ABCA6: variants seen among roughly 807,000 people sequenced by gnomAD.
The protein encoded by ABCA6 is ATP-binding cassette sub-family A member 6.
ABCA6 carries 164 observed loss-of-function variants against 191.2 expected under a neutral mutation model. The observed-to-expected ratio is 0.86, with a 90% CI of 0.76 to 0.98. ABCA6 has a LOEUF of 0.98. Among genes scored for constraint, ABCA6 ranks in the 50% least tolerant of loss-of-function variants. The pLI is 0.00. For missense variants in ABCA6, 1,958 were observed against 1,894.1 expected, an observed-to-expected ratio of 1.03 and a Z score of -0.63; for synonymous variants, 636 against 647.7, an observed-to-expected ratio of 0.98 and a Z score of 0.27.
intron 21 of ABCA6, among the ~76,000 whole-genome samples, chr17:69,101,975 T>C (rs908645033): frequency 4.6e-5 from 7 of 152,192 alleles, no homozygotes; most frequent in Non-Finnish European, 1.0e-4. Flanking sequence ...TAGCATGAAA[T>C]AAAGAGGGAG....
intron 27 of ABCA6, among the ~76,000 whole-genome samples, 180 bp from the exon 28 acceptor site, chr17:69,088,438 C>A (rs1396902954): frequency 6.6e-6 from 1 of 152,136 alleles, no homozygotes; most frequent in Non-Finnish European, 1.5e-5. Flanking sequence ...TTCCTTTCTT[C>A]TCGCCACCCA....
chr17:69,113,549 A>T, intron 14 of ABCA6, 69 bp downstream of exon 14: 1 of 1,607,458 alleles, frequency 6.2e-7, no homozygotes, highest in Non-Finnish European at 8.5e-7. Context: ...TACCACTTTT[A>T]GTGGTAAAAG....
chr17:69,094,123 TTTTA>T (rs1380319785), intron 25 of ABCA6, among the ~76,000 whole-genome samples: 1 of 152,222 alleles, frequency 6.6e-6, no homozygotes, highest in Non-Finnish European at 1.5e-5. Context: ...TGCTGTGATC[TTTTA>T]TTTGTGATAA....
In ABCA6 at chr17:69,106,347, C is replaced by T. The variant is rs1280944726; in HGVS notation, c.2390-136G>A. 5 of 862,226 alleles carry T rather than the reference C, an allele frequency of 5.8e-6. No individual in the cohort carries two copies. The African/African-American group carries it at 7.0e-5, about 12-fold the overall frequency. The allele number at this position is 862,226 out of a possible 1,614,324, so 53.4% of individuals were successfully genotyped here. A position where few individuals can be genotyped will look rare whatever the true frequency, so the allele number is the denominator to read the frequency against. ...GTGGCTTATGCCTGTAATCCCAGTACTCTGGGAGACCAAGGTGGGTGGATC... is the reference window on the plus strand; with the variant it reads ...GTGGCTTATGCCTGTAATCCCAGTATTCTGGGAGACCAAGGTGGGTGGATC... On this transcript the variant is annotated intron_variant, in intron 18 of 38. Transcript: ENST00000284425.
Position 69,123,413 on chromosome 17 carries a change from T to C in ABCA6, c.1268-6A>G. 1.4e-6 allele frequency: 2 copies of C among 1,460,482 alleles called. No homozygotes were observed. Among genetic ancestry groups the C allele is most frequent in the Non-Finnish European group, 9.2e-7 (1 of 1,089,902 alleles). 90.5% of individuals were successfully genotyped at this position (1,460,482 alleles called of 1,614,324 possible). A position where few individuals can be genotyped will look rare whatever the true frequency, so the allele number is the denominator to read the frequency against. ...ATAATGGCGCTCATCTCCATCTAAT[T>C]AACCAAGAGGCAACAAAATATGATC... On this transcript the variant is annotated splice_region_variant and splice_polypyrimidine_tract_variant and intron_variant, in intron 9 of 38. Coordinates refer to ENST00000284425, the MANE Select transcript of ABCA6 (RefSeq NM_080284.3).
intron 20 of ABCA6, chr17:69,104,046 T>C (rs2073238665): frequency 6.7e-6 from 1 of 150,272 alleles, no homozygotes; most frequent in Non-Finnish European, 1.5e-5. Context: ...AAGCTTTCCA[T>C]GCACCTTGAG....
chr17:69,109,760 C>T (rs539722331), intron 17 of ABCA6: 1 of 152,092 alleles, frequency 6.6e-6, no homozygotes, highest in Non-Finnish European at 1.5e-5. Flanking sequence ...CTTAGTAGCC[C>T]TCTGGGATAT....
chr17:69,082,586 G>A (rs2072665876), intron 36 of ABCA6, among the ~76,000 whole-genome samples: 1 of 152,130 alleles, frequency 6.6e-6, no homozygotes, highest in Admixed American at 6.6e-5. Context: ...GGTCCTGTGT[G>A]GGTTTGAGTC....
intron 6 of ABCA6, 115 bp from the exon 7 acceptor site, chr17:69,129,866 T>C: frequency 1.4e-6 from 1 of 726,220 alleles, no homozygotes; most frequent in Non-Finnish European, 2.2e-6. Context: ...TCTAGATTAA[T>C]AACTATACTG....
intron 8 of ABCA6, among the ~76,000 whole-genome samples, chr17:69,126,736 A>T (rs1347739217): frequency 8.5e-5 from 13 of 152,226 alleles, no homozygotes; most frequent in Non-Finnish European, 1.8e-4. Flanking sequence ...GCTGAAAAAA[A>T]GATGACTATT....
At chr17:69,093,433 C>T (rs1442899116) in intron 25 of ABCA6, among the ~76,000 whole-genome samples, 9 of 152,178 alleles carry the variant, frequency 5.9e-5, no homozygotes, top group Admixed American at 3.9e-4. Flanking sequence ...TCTTGCTGTG[C>T]AGCTGCAAGG....
chr17:69,130,018 A>G lies in ABCA6; in HGVS notation c.792-267T>C, dbSNP rs558995430. 5.9e-5 allele frequency among the ~76,000 whole-genome samples: 9 copies of G among 152,196 alleles called. No homozygotes were observed. The East Asian group carries it at 1.7e-3, about 29-fold the overall frequency. The stretch of plus-strand genomic sequence containing the variant: ...TGAACACTGGTATAGGCACCAACCA[A>G]TAGAAAGGATGCCAAGGCCAGGCAC... On this transcript the variant is annotated intron_variant, in intron 6 of 38. Transcript: ENST00000284425.
chr17:69,107,713 T>C lies in ABCA6; in HGVS notation c.2372A>G (p.Gln791Arg), dbSNP rs368424846. 7.5e-6 allele frequency: 12 copies of C among 1,607,722 alleles called. No individual in the cohort carries two copies. The highest frequency in any genetic ancestry group is 3.3e-4 in the Middle Eastern group (2 of 6,064). The change falls in exon 18 of 39, where the codon CAG (glutamine) becomes CGG (arginine). Residue 791 changes from glutamine (Q) to arginine (R), a missense_variant. Transcript: ENST00000284425. ...LNEVFMKLEG[Q>R]STIEQDFEQV... ...GGCTTTACCTTGTTCGATAGTTGAC[T>C]GTCCTTCCAGTTTCATAAAGACTTC...
At position 69,084,311 on chromosome 17, in the gene ABCA6, G is replaced by A; in HGVS notation, c.4305C>T (p.Leu1435=). The A allele has an allele frequency of 6.2e-7, 1 of 1,614,084 alleles. No homozygotes were observed. Among genetic ancestry groups the A allele is most frequent in the Non-Finnish European group, 8.5e-7 (1 of 1,180,004 alleles). Residue 1435 remains leucine, a synonymous_variant, in exon 34 of 39, where the codon CTC becomes CTT. Transcript: ENST00000284425. The part of the protein sequence containing the change: ...LSLLGNSPVL[L]LDEPSTGIDP... Reference sequence around the variant, plus strand: ...CTATGCCCGTAGATGGTTCATCCAGGAGCAAGACAGGTGAGTTTCCCAGGA... The same window carrying A: ...CTATGCCCGTAGATGGTTCATCCAGAAGCAAGACAGGTGAGTTTCCCAGGA...
chr17:69,114,963 T>C, intron 12 of ABCA6, 26 bp from the exon 13 acceptor site: 1 of 1,540,346 alleles, frequency 6.5e-7, no homozygotes, highest in East Asian at 2.3e-5. Flanking sequence ...AAAAATAAAA[T>C]TGGCAAGATA....
chr17:69,120,818 G>A (rs1487585989), intron 10 of ABCA6, among the ~76,000 whole-genome samples: 2 of 152,050 alleles, frequency 1.3e-5, no homozygotes, highest in Non-Finnish European at 2.9e-5. Flanking sequence ...TTACAGGAAT[G>A]CACATATGTG....
chr17:69,123,093 A>G (rs1204942677), intron 10 of ABCA6, 146 bp downstream of exon 10: 1 of 324,376 alleles, frequency 3.1e-6, no homozygotes, highest in African/African-American at 2.2e-5. Context: ...CAGCACACCA[A>G]CATGGCACAT....
intron 29 of ABCA6, among the ~76,000 whole-genome samples, chr17:69,086,991 A>G (rs2072811409): frequency 6.6e-6 from 1 of 152,238 alleles, no homozygotes; most frequent in African/African-American, 2.4e-5. Flanking sequence ...TAAGTCAAAT[A>G]GAGTAAACCT....
intron 2 of ABCA6, among the ~76,000 whole-genome samples, chr17:69,139,382 CA>C (rs1430526728): frequency 3.3e-5 from 5 of 152,270 alleles, no homozygotes; most frequent in African/African-American, 1.2e-4. Context: ...AAATGCAAAT[CA>C]AAACCACAAT....
Sources: gnomAD v4.1 joint callset for allele counts (sites outside exome capture counted in the v4.1 genomes callset) on GRCh38, gnomAD v4.1.1 for gene constraint, MANE v1.5 for transcripts, NCBI Gene and HGNC (gene_info 2026-07-23, HGNC 2026-07-21) for gene names.